Variants in BCL11B observed in about 807,000 individuals in gnomAD.
BCL11B encodes the protein B-cell lymphoma/leukemia 11B.
BCL11B carries 8 observed loss-of-function variants against 49.9 expected under a neutral mutation model. That is an observed-to-expected ratio of 0.16 (90% CI 0.09 to 0.29). The LOEUF is 0.29. BCL11B is among the 10% of genes least tolerant of loss of function. The pLI is 1.00. For synonymous variants in BCL11B, 739 were observed against 637.4 expected (o/e 1.16, Z -2.40); for missense variants, 1,006 against 1,351.0 (o/e 0.74, Z 4.00).
intron 2 of BCL11B, among the ~76,000 whole-genome samples, chr14:99,250,906 T>C (rs1222297383): frequency 6.6e-6 from 1 of 151,748 alleles, no homozygotes; most frequent in African/African-American, 2.4e-5. Context: ...GTATTGTCTG[T>C]CTTTTTTTTA....
At chr14:99,176,768 G>A (rs573556486) in intron 3 of BCL11B, among the ~76,000 whole-genome samples, 7 of 152,162 alleles carry the variant, frequency 4.6e-5, no homozygotes, top group Admixed American at 1.3e-4. Flanking sequence ...CACCTCCCCC[G>A]GTTGCGAGGA....
intron 3 of BCL11B, among the ~76,000 whole-genome samples, chr14:99,207,996 A>G (rs1887582414): frequency 1.3e-5 from 2 of 152,154 alleles, no homozygotes; most frequent in South Asian, 2.1e-4. Flanking sequence ...GAATGGAGAG[A>G]GCAGATGCAC....
At chr14:99,259,392 C>G (rs117998636) in intron 1 of BCL11B, among the ~76,000 whole-genome samples, 39 of 152,280 alleles carry the variant, frequency 2.6e-4, no homozygotes, top group Non-Finnish European at 4.9e-4. Context: ...GAACACGAGC[C>G]TATGCAGGGC....
Position 99,272,002 on chromosome 14 carries a change from C to G in BCL11B, c.-784G>C, listed in dbSNP as rs1405636136. ...TCCCAGTTCACCTGGCAGGCTGGCG[C>G]CGGCCGGAGGGGCTGCCGAGTCCCC... On this transcript the variant is annotated 5_prime_UTR_variant, in exon 1 of 4. Transcript: ENST00000357195. This position sits in a 1 kb window ranked among gnomAD's most constrained non-coding sequence, Gnocchi z 6.0. Among the ~76,000 whole-genome samples the G allele has an allele frequency of 3.3e-5, 5 of 151,942 alleles. No individual in the cohort carries two copies. Among genetic ancestry groups the G allele is most frequent in the Non-Finnish European group, 7.4e-5 (5 of 67,962 alleles).
Position 99,195,227 on chromosome 14 carries a change from G to C in BCL11B, c.641-19032C>G, listed in dbSNP as rs1887146025. Among the ~76,000 whole-genome samples the C allele has an allele frequency of 6.6e-6, 1 of 152,254 alleles. No homozygotes were observed. Among genetic ancestry groups the C allele is most frequent in the East Asian group, 1.9e-4 (1 of 5,182 alleles). On this transcript the variant is annotated intron_variant, in intron 3 of 3. Transcript: ENST00000357195. This position sits in a 1 kb window ranked among gnomAD's most constrained non-coding sequence, Gnocchi z 4.7. ...AGCGAACTACCTGGCTTCCTGACCTGTACTTTCAAGCCCCACTGTCAAATC... is the reference window on the plus strand; with the variant it reads ...AGCGAACTACCTGGCTTCCTGACCTCTACTTTCAAGCCCCACTGTCAAATC...
At chr14:99,190,884 T>C (rs1887005207) in intron 3 of BCL11B, among the ~76,000 whole-genome samples, 1 of 146,676 alleles carries the variant, frequency 6.8e-6, no homozygotes, top group Non-Finnish European at 1.5e-5. Flanking sequence ...CCACCTCCAC[T>C]CCCACCGCCC....
At chr14:99,246,793 G>T (rs148418423) in intron 2 of BCL11B, among the ~76,000 whole-genome samples, 4 of 152,286 alleles carry the variant, frequency 2.6e-5, no homozygotes, top group Non-Finnish European at 4.4e-5. Flanking sequence ...ATTTGCTCGG[G>T]ATAGGCACCG....
intron 3 of BCL11B, among the ~76,000 whole-genome samples, chr14:99,217,358 A>G (rs1274528709): frequency 6.6e-6 from 1 of 150,790 alleles, no homozygotes; most frequent in African/African-American, 2.4e-5. Context: ...ATACACTCTC[A>G]CGAGTACAAA....
chr14:99,196,965 C>G (rs1342745799), intron 3 of BCL11B, among the ~76,000 whole-genome samples: 1 of 152,198 alleles, frequency 6.6e-6, no homozygotes, highest in Non-Finnish European at 1.5e-5. Flanking sequence ...GGAACATTTA[C>G]CAAGAACCTT....
intron 3 of BCL11B, among the ~76,000 whole-genome samples, chr14:99,204,545 G>A (rs980313261): frequency 2.0e-5 from 3 of 152,048 alleles, no homozygotes; most frequent in Non-Finnish European, 2.9e-5. Flanking sequence ...TGGGGGACTC[G>A]CCAACACCCA....
At chr14:99,199,489 T>C (rs1434950965) in intron 3 of BCL11B, among the ~76,000 whole-genome samples, 1 of 152,144 alleles carries the variant, frequency 6.6e-6, no homozygotes, top group Non-Finnish European at 1.5e-5. Flanking sequence ...GAGGGTTCTT[T>C]CCCCCTTCTT....
Position 99,174,445 on chromosome 14 carries a change from C to T in BCL11B, c.2391G>A (p.Thr797=). The change falls in exon 4 of 4, where the codon ACG becomes ACA. Residue 797 remains threonine (T), a synonymous_variant. Transcript: ENST00000357195. ...PSSKEGRRSD[T]CEYCGKVFKN... ...TGAACACCTTGCCGCAGTACTCGCA[C>T]GTGTCGCTGCGGCGGCCCTCCTTGG... 6.2e-7 allele frequency: 1 copy of T among 1,610,394 alleles called. No homozygotes were observed. The highest frequency in any genetic ancestry group is 8.5e-7 in the Non-Finnish European group (1 of 1,178,986).
intron 2 of BCL11B, among the ~76,000 whole-genome samples, chr14:99,236,337 G>A (rs1888497923): frequency 6.6e-6 from 1 of 152,188 alleles, no homozygotes; most frequent in South Asian, 2.1e-4. Flanking sequence ...TTAAGAGCGT[G>A]AGGGGGAAAA....
At chr14:99,240,708 TCTC>T (rs1375182428) in intron 2 of BCL11B, among the ~76,000 whole-genome samples, 1 of 152,238 alleles carries the variant, frequency 6.6e-6, no homozygotes, top group Non-Finnish European at 1.5e-5. Context: ...TCCGTTTTCA[TCTC>T]CTAACACACT....
Position 99,174,241 on chromosome 14 carries a change from G to A in BCL11B, c.2595C>T (p.Val865=), listed in dbSNP as rs1322630354. ...TCATGTGTTTCTCCAGGGTGCTGTA[G>A]ACGCTGAAGGGCATCTGGCAGATGT... ...RCDICQMPFS[V]YSTLEKHMKK... is the part of the protein sequence containing the mutation. Residue 865 remains valine, a synonymous_variant, in exon 4 of 4, where the codon GTC becomes GTT. Coordinates refer to ENST00000357195, the MANE Select transcript of BCL11B (RefSeq NM_138576.4). 5 of 1,613,960 alleles carry A rather than the reference G, an allele frequency of 3.1e-6. No homozygotes were observed. The highest frequency in any genetic ancestry group is 4.2e-6 in the Non-Finnish European group (5 of 1,180,020).
At position 99,262,693 on chromosome 14, in the gene BCL11B, C is replaced by T. The variant is rs111984394; in HGVS notation, c.59-4854G>A. Among the ~76,000 whole-genome samples the T allele has an allele frequency of 2.0e-3, 309 of 152,300 alleles. No individual in the cohort carries two copies. The highest frequency in any genetic ancestry group is 0.014 in the Middle Eastern group (4 of 294). On this transcript the variant is annotated intron_variant, in intron 1 of 3. Transcript: ENST00000357195. This position sits in a 1 kb window ranked among gnomAD's most constrained non-coding sequence, Gnocchi z 4.2. ...CGAGCCCATGCTTACCCATAATCTA[C>T]GAAGAGATCTTTTCATCTCCTCTCC...
chr14:99,267,544 A>ACCCCCCCC (rs57963488), intron 1 of BCL11B, among the ~76,000 whole-genome samples: 1 of 131,824 alleles, frequency 7.6e-6, no homozygotes, highest in Non-Finnish European at 1.6e-5. Flanking sequence ...GAGGAACTTC[A>ACCCCCCCC]CCCCCCCCCC....
At position 99,192,935 on chromosome 14, in the gene BCL11B, AAATTAGTG is replaced by A. The variant is rs1887077478; in HGVS notation, c.641-16748_641-16741del. Among the ~76,000 whole-genome samples, 1 of 144,492 alleles carries A rather than the reference AAATTAGTG, an allele frequency of 6.9e-6. No homozygotes were observed. The highest frequency in any genetic ancestry group is 1.5e-5 in the Non-Finnish European group (1 of 65,350). 94.8% of individuals were successfully genotyped at this position (144,492 alleles called of 152,430 possible). On this transcript the variant is annotated intron_variant, in intron 3 of 3. Transcript: ENST00000357195. This position sits in a 1 kb window ranked among gnomAD's most constrained non-coding sequence, Gnocchi z 4.0. The stretch of plus-strand genomic sequence containing the variant: ...TAAAAGAGTGAATGAATGAATGAGT[AAATTAGTG>A]AATAAGTGAATAAGTGAATGAATGA...
intron 3 of BCL11B, among the ~76,000 whole-genome samples, chr14:99,215,194 T>C (rs1459319798): frequency 1.3e-5 from 2 of 151,760 alleles, no homozygotes; most frequent in African/African-American, 2.4e-5. Context: ...CACTAATTTA[T>C]AAGTTGCAGA....
Sources: allele counts gnomAD v4.1 joint callset (sites outside exome capture counted in the v4.1 genomes callset), GRCh38; gene constraint gnomAD v4.1.1; non-coding constraint Gnocchi (gnomAD v3.1); transcripts MANE v1.5; gene names NCBI Gene and HGNC (gene_info 2026-07-23, HGNC 2026-07-21).